Variants in FHIT observed in about 807,000 individuals in gnomAD.
FHIT encodes the protein bis(5'-adenosyl)-triphosphatase.
In FHIT, 19 loss-of-function variants were observed where a neutral mutation model predicts 17.9. That is an observed-to-expected ratio of 1.06 (90% CI 0.74 to 1.56). FHIT has a LOEUF of 1.56. Among genes scored for constraint, FHIT ranks in the 40% most tolerant of loss-of-function variants. The pLI is 0.00. For synonymous variants in FHIT, 81 were observed against 69.7 expected, an observed-to-expected ratio of 1.16 and a Z score of -0.81; for missense variants, 248 against 189.2, an observed-to-expected ratio of 1.31 and a Z score of -1.82.
intron 5 of FHIT, among the ~76,000 whole-genome samples, chr3:60,139,520 AT>A (rs1182501222): frequency 1.3e-5 from 2 of 152,156 alleles, no homozygotes; most frequent in African/African-American, 4.8e-5. Context: ...TAAGCTAGAT[AT>A]CCCTTCTGAA....
At chr3:60,162,536 G>A (rs1700986064) in intron 5 of FHIT, among the ~76,000 whole-genome samples, 1 of 152,080 alleles carries the variant, frequency 6.6e-6, no homozygotes, top group Admixed American at 6.6e-5. Flanking sequence ...GGGGCATCTG[G>A]TTTTCTTCTG....
At chr3:60,173,915 A>ATATATATATTTTTTT in intron 5 of FHIT, among the ~76,000 whole-genome samples, 1 of 66,442 alleles carries the variant, frequency 1.5e-5, no homozygotes, top group African/African-American at 6.3e-5. Context: ...ATATATATAT[A>ATATATATATTTTTTT]TGTTTTTTTT....
chr3:60,981,493 T>G (rs1276613687), intron 3 of FHIT, among the ~76,000 whole-genome samples: 4 of 151,902 alleles, frequency 2.6e-5, no homozygotes, highest in African/African-American at 9.7e-5. Context: ...TATATTTTCG[T>G]AGAGATGGGG....
At chr3:60,007,350 T>C (rs1368585632) in intron 7 of FHIT, among the ~76,000 whole-genome samples, 1 of 152,218 alleles carries the variant, frequency 6.6e-6, no homozygotes, top group Non-Finnish European at 1.5e-5. Flanking sequence ...ACCTGGAATA[T>C]AGAAGACTTT....
chr3:60,754,788 C>T (rs1410207103), intron 4 of FHIT, among the ~76,000 whole-genome samples: 3 of 152,166 alleles, frequency 2.0e-5, no homozygotes, highest in African/African-American at 7.2e-5. Flanking sequence ...TAGGCACACA[C>T]ACAATTTTAA....
intron 8 of FHIT, among the ~76,000 whole-genome samples, chr3:59,802,661 T>C (rs984197329): frequency 6.6e-6 from 1 of 152,120 alleles, no homozygotes; most frequent in African/African-American, 2.4e-5. Context: ...TCAGCCCGCC[T>C]GCACCCAGGT....
At chr3:60,638,657 T>C (rs1165882731) in intron 4 of FHIT, among the ~76,000 whole-genome samples, 1 of 152,168 alleles carries the variant, frequency 6.6e-6, no homozygotes, top group Non-Finnish European at 1.5e-5. Flanking sequence ...TTTCATTTTA[T>C]GGCTCATGGT....
chr3:61,109,687 T>C (rs932756001), intron 2 of FHIT, among the ~76,000 whole-genome samples: 6 of 151,216 alleles, frequency 4.0e-5, no homozygotes. Flanking sequence ...ATTTCTACAA[T>C]GTCATAAGCA....
chr3:61,227,504 A>G (rs2039999195), intron 1 of FHIT, among the ~76,000 whole-genome samples: 1 of 152,192 alleles, frequency 6.6e-6, no homozygotes, highest in South Asian at 2.1e-4. Context: ...TGCAGCACAT[A>G]CAATACCAAG....
intron 5 of FHIT, among the ~76,000 whole-genome samples, chr3:60,233,273 G>A (rs1402099285): frequency 1.3e-5 from 2 of 152,222 alleles, no homozygotes; most frequent in East Asian, 3.9e-4. Flanking sequence ...CTGATGCCTG[G>A]CAATCCATGA....
At chr3:60,203,200 A>G (rs1328201890) in intron 5 of FHIT, among the ~76,000 whole-genome samples, 4 of 152,012 alleles carry the variant, frequency 2.6e-5, no homozygotes, top group Non-Finnish European at 5.9e-5. Flanking sequence ...CATTTTTGCA[A>G]CTCCTGTGAA....
intron 5 of FHIT, among the ~76,000 whole-genome samples, chr3:60,235,774 T>C (rs1387368036): frequency 6.6e-6 from 1 of 152,176 alleles, no homozygotes; most frequent in Non-Finnish European, 1.5e-5. Context: ...GAGGATGTAG[T>C]ATGTTTCATA....
At chr3:60,380,972 A>G (rs1394417676) in intron 5 of FHIT, among the ~76,000 whole-genome samples, 2 of 134,772 alleles carry the variant, frequency 1.5e-5, no homozygotes, top group South Asian at 4.3e-4. Context: ...AAAAAGCCAC[A>G]CAGAGTGTTC....
chr3:60,841,609 G>T (rs893276610), intron 3 of FHIT, among the ~76,000 whole-genome samples: 1 of 152,190 alleles, frequency 6.6e-6, no homozygotes. Flanking sequence ...CAGAAACCTG[G>T]TTGGGCTGGG....
At chr3:60,131,930 G>C (rs918203366) in intron 5 of FHIT, among the ~76,000 whole-genome samples, 2 of 152,086 alleles carry the variant, frequency 1.3e-5, no homozygotes, top group African/African-American at 4.8e-5. Flanking sequence ...CTGTTTCAGA[G>C]GCCCACTCTC....
intron 1 of FHIT, among the ~76,000 whole-genome samples, chr3:61,250,743 G>C (rs1488248338): frequency 6.6e-6 from 1 of 151,840 alleles, no homozygotes; most frequent in East Asian, 1.9e-4. Context: ...AAGAAAGTCC[G>C]ACCAAGTACC....
At chr3:61,178,592 A>G (rs1226893761) in intron 2 of FHIT, among the ~76,000 whole-genome samples, 1 of 151,734 alleles carries the variant, frequency 6.6e-6, no homozygotes, top group East Asian at 1.9e-4. Flanking sequence ...GCAATTAAAT[A>G]GAAAAAGGTA....
intron 4 of FHIT, among the ~76,000 whole-genome samples, chr3:60,724,999 C>T (rs1311505533): frequency 6.6e-6 from 1 of 152,024 alleles, no homozygotes. Context: ...TGTGGTATCT[C>T]GTAATGGTTT....
chr3:61,001,060 T>A (rs1434029722), intron 3 of FHIT, among the ~76,000 whole-genome samples: 1 of 151,590 alleles, frequency 6.6e-6, no homozygotes, highest in Non-Finnish European at 1.5e-5. Context: ...CAAAAAAATA[T>A]TCGACATCAT....
Sources: gnomAD v4.1 joint callset for allele counts (sites outside exome capture counted in the v4.1 genomes callset) on GRCh38, gnomAD v4.1.1 for gene constraint, MANE v1.5 for transcripts, NCBI Gene and HGNC (gene_info 2026-07-23, HGNC 2026-07-21) for gene names.